ELF2: variants seen among roughly 807,000 people sequenced by gnomAD.
ELF2 encodes the protein E74 like ETS transcription factor 2.
ELF2 carries 11 observed loss-of-function variants against 54.8 expected under a neutral mutation model. The observed-to-expected ratio is 0.20, with a 90% CI of 0.13 to 0.33. The LOEUF is 0.33. Among genes scored for constraint, ELF2 ranks in the 10% least tolerant of loss-of-function variants. The probability of loss-of-function intolerance (pLI) is 1.00; values close to 1 mark genes in which losing one functional copy is unlikely to be tolerated. For missense variants in ELF2, 513 were observed against 703.0 expected (o/e 0.73, Z 3.06); for synonymous variants, 203 against 245.1 (o/e 0.83, Z 1.61).
At position 139,059,309 on chromosome 4, in the gene ELF2, T is replaced by C. The variant is rs780740240; in HGVS notation, c.1456A>G (p.Ile486Val). Residue 486 changes from isoleucine to valine, a missense_variant, in exon 10 of 10, where the codon ATT becomes GTT. Physicochemically the swap from Ile to Val is conservative, Grantham distance 29. Coordinates refer to ENST00000686138, the MANE Select transcript of ELF2 (RefSeq NM_001331036.3). ...SNLTGSGSIN[I>V]VGTPLAVRAL... ...CTCACAGCCAATGGGGTTCCAACAATGTTAATGCTTCCTGATCCAGTCAGA... is the reference window on the plus strand; with the variant it reads ...CTCACAGCCAATGGGGTTCCAACAACGTTAATGCTTCCTGATCCAGTCAGA... 6.2e-7 allele frequency: 1 copy of C among 1,613,950 alleles called. No individual in the cohort carries two copies. Among genetic ancestry groups the C allele is most frequent in the South Asian group, 1.1e-5 (1 of 91,076 alleles).
At chr4:139,081,867 G>A (rs1731160218) in intron 4 of ELF2, among the ~76,000 whole-genome samples, 1 of 152,002 alleles carries the variant, frequency 6.6e-6, no homozygotes, top group South Asian at 2.1e-4. Context: ...CATAATTGGT[G>A]ACATAACTTG....
intron 1 of ELF2, among the ~76,000 whole-genome samples, chr4:139,144,148 G>A (rs1692027765): frequency 6.6e-6 from 1 of 152,070 alleles, no homozygotes; most frequent in African/African-American, 2.4e-5. Context: ...TACACCATGA[G>A]CCAGGTAAAA....
chr4:139,114,928 C>G, intron 4 of ELF2: 1 of 1,613,018 alleles, frequency 6.2e-7, no homozygotes, highest in Non-Finnish European at 8.5e-7. Flanking sequence ...GGTCGGGGAC[C>G]CTCACTTCTT....
At chr4:139,095,419 A>G (rs1270495470) in intron 4 of ELF2, among the ~76,000 whole-genome samples, 1 of 152,110 alleles carries the variant, frequency 6.6e-6, no homozygotes, top group African/African-American at 2.4e-5. Flanking sequence ...TCCTGACCTC[A>G]ACTGATCTGC....
intron 6 of ELF2, among the ~76,000 whole-genome samples, chr4:139,071,536 T>A (rs2148693270): frequency 6.6e-6 from 1 of 152,088 alleles, no homozygotes; most frequent in African/African-American, 2.4e-5. Context: ...TTTTTTTAAG[T>A]AACCAAGTAC....
chr4:139,162,135 C>A (rs1741236448), intron 1 of ELF2, among the ~76,000 whole-genome samples: 1 of 152,096 alleles, frequency 6.6e-6, no homozygotes, highest in Non-Finnish European at 1.5e-5. Flanking sequence ...TGCCTGGAAT[C>A]CTGTGGTGAG....
rs59282364 is a variant in ELF2, at chr4:139,114,642, C to CTTTTT, written c.238+10517_238+10521dup. Among the ~76,000 whole-genome samples, 27 of 104,844 alleles carry CTTTTT rather than the reference C, an allele frequency of 2.6e-4. 1 individual carries two copies. The highest frequency in any genetic ancestry group is 1.2e-3 in the East Asian group (4 of 3,410). 68.8% of individuals were successfully genotyped at this position (104,844 alleles called of 152,430 possible). A position where few individuals can be genotyped will look rare whatever the true frequency, so the allele number is the denominator to read the frequency against. On this transcript the variant is annotated intron_variant, in intron 4 of 9. Transcript: ENST00000686138. ...ACTGACATGGATTTTTTTTTTCTTT[C>CTTTTT]TTTTTTTTTTTTTTTTTTGCACCAA...
chr4:139,115,009 T>C (rs1049574192), intron 4 of ELF2: 59 of 1,613,726 alleles, frequency 3.7e-5, no homozygotes, highest in African/African-American at 5.3e-5. Flanking sequence ...CTCTGTGGGT[T>C]TGTAACAGTC....
At chr4:139,073,720 T>C (rs1466341322) in intron 4 of ELF2, 153 bp from the exon 5 acceptor site, 1 of 391,788 alleles carries the variant, frequency 2.6e-6, no homozygotes, top group Non-Finnish European at 4.5e-6. Context: ...TGATATCTAT[T>C]CGTCTATATA....
At chr4:139,134,609 TTTTATTTTA>T (rs377053045) in intron 3 of ELF2, among the ~76,000 whole-genome samples, 79 of 142,986 alleles carry the variant, frequency 5.5e-4, no homozygotes, top group Middle Eastern at 3.5e-3. Flanking sequence ...TTTTATTTTA[TTTTATTTTA>T]TTTATTTTAT....
At chr4:139,169,857 TAAA>T (rs3041235) in intron 1 of ELF2, among the ~76,000 whole-genome samples, 13 of 129,130 alleles carry the variant, frequency 1.0e-4, no homozygotes, top group Admixed American at 1.6e-4. Flanking sequence ...ACTCTTGTCT[TAAA>T]AAAAAAAAAA....
At chr4:139,059,678 G>C in intron 9 of ELF2, 71 bp from the exon 10 acceptor site, 1 of 1,518,962 alleles carries the variant, frequency 6.6e-7, no homozygotes, top group Non-Finnish European at 8.8e-7. Context: ...CTGAGTAAAA[G>C]ATTAATACAA....
chr4:139,110,574 G>A (rs72949633), intron 4 of ELF2, among the ~76,000 whole-genome samples: 2,251 of 152,136 alleles, frequency 0.015, 63 homozygotes, highest in African/African-American at 0.051. Context: ...AAAGAAATCT[G>A]GTTTGAACAC....
intron 1 of ELF2, among the ~76,000 whole-genome samples, chr4:139,174,606 A>AC: frequency 6.6e-6 from 1 of 152,098 alleles, no homozygotes; most frequent in East Asian, 1.9e-4. Flanking sequence ...ACTCAAAAAA[A>AC]AATTATGTCT....
intron 4 of ELF2, among the ~76,000 whole-genome samples, chr4:139,095,988 G>A (rs1456640064): frequency 2.0e-5 from 3 of 152,176 alleles, no homozygotes; most frequent in Non-Finnish European, 2.9e-5. Flanking sequence ...GCATATGCCC[G>A]TAATCCCAGC....
intron 2 of ELF2, among the ~76,000 whole-genome samples, chr4:139,138,111 A>C (rs1307488186): frequency 6.6e-6 from 1 of 152,168 alleles, no homozygotes; most frequent in East Asian, 1.9e-4. Flanking sequence ...TATGATATTC[A>C]TATTCTAGGA....
intron 1 of ELF2, among the ~76,000 whole-genome samples, chr4:139,168,666 C>T (rs1741954780): frequency 6.6e-6 from 1 of 152,110 alleles, no homozygotes; most frequent in Admixed American, 6.6e-5. Flanking sequence ...CATCCTGGCA[C>T]CTAAAGATAA....
chr4:139,086,083 CTATTA>C (rs1303313012), intron 4 of ELF2, among the ~76,000 whole-genome samples: 1 of 151,654 alleles, frequency 6.6e-6, no homozygotes, highest in African/African-American at 2.4e-5. Flanking sequence ...CATTTTACTA[CTATTA>C]TATTTATAGT....
chr4:139,177,746 G>A (rs900700221), upstream of ELF2, among the ~76,000 whole-genome samples: 13 of 151,012 alleles, frequency 8.6e-5, no homozygotes, highest in Non-Finnish European at 1.5e-4. Flanking sequence ...CGCCACTCAG[G>A]GCCCCCGCAG....
Sources: allele counts gnomAD v4.1 joint callset (sites outside exome capture counted in the v4.1 genomes callset), GRCh38; gene constraint gnomAD v4.1.1; transcripts MANE v1.5; gene names NCBI Gene and HGNC (gene_info 2026-07-23, HGNC 2026-07-21).